ATP8A2: variants seen among roughly 807,000 people sequenced by gnomAD.
ATP8A2 encodes phospholipid-transporting ATPase IB.
Under a neutral mutation model 165.6 loss-of-function variants are expected in ATP8A2, and 100 were observed. The observed-to-expected ratio is 0.60, with a 90% CI of 0.51 to 0.71. ATP8A2 has a LOEUF of 0.71. ATP8A2 is among the 30% of genes least tolerant of loss of function. ATP8A2 has a pLI of 0.00. For missense variants in ATP8A2, 1,227 were observed against 1,479.5 expected (o/e 0.83, Z 2.80); for synonymous variants, 543 against 548.8 (o/e 0.99, Z 0.15).
In ATP8A2 at chr13:25,795,058, C is replaced by A. The variant is rs370763612; in HGVS notation, c.2679+20099C>A. On this transcript the variant is annotated intron_variant, in intron 27 of 36. Transcript: ENST00000381655. ...CAGGACTGTGATCAAGATATTAATT[C>A]TATGCATTATAAACCAGGGAACAGT... is the stretch of plus-strand genomic sequence containing the variant. Among the ~76,000 whole-genome samples the A allele has an allele frequency of 8.0e-4, 122 of 152,228 alleles. 1 individual carries two copies. Among genetic ancestry groups the A allele is most frequent in the South Asian group, 3.1e-3 (15 of 4,822 alleles).
rs373876031 is a variant in ATP8A2, at chr13:25,584,483, TCTC to T, written c.2146+2529_2146+2531del. 1.9e-3 allele frequency among the ~76,000 whole-genome samples: 291 copies of T among 152,254 alleles called. 9 individuals carry two copies. In the South Asian group the frequency reaches 0.053, roughly 28 times the overall value. The stretch of plus-strand genomic sequence containing the variant: ...TTGGGAAGATCAAGTATCTAGCAGT[TCTC>T]CTTCTAGATGAAAAAAGGGAAGCAG... On this transcript the variant is annotated intron_variant, in intron 23 of 36. Coordinates refer to ENST00000381655, the MANE Select transcript of ATP8A2 (RefSeq NM_016529.6).
chr13:25,709,014 T>C (rs1279901117), intron 25 of ATP8A2, among the ~76,000 whole-genome samples: 4 of 152,070 alleles, frequency 2.6e-5, no homozygotes, highest in African/African-American at 9.7e-5. Flanking sequence ...TTGGTTTCTG[T>C]TGTTTCTTGT....
chr13:25,541,811 G>T, intron 8 of ATP8A2, 108 bp from the exon 9 acceptor site: 1 of 1,197,300 alleles, frequency 8.4e-7, no homozygotes, highest in Non-Finnish European at 1.2e-6. Context: ...CCAAATTATT[G>T]CACTGGAGAT....
intron 24 of ATP8A2, among the ~76,000 whole-genome samples, chr13:25,612,886 A>AT (rs2040724445): frequency 6.6e-6 from 1 of 152,230 alleles, no homozygotes; most frequent in African/African-American, 2.4e-5. Context: ...TCATTATATA[A>AT]TGTTCCTCTT....
At chr13:25,935,625 C>G (rs540498313) in intron 33 of ATP8A2, among the ~76,000 whole-genome samples, 2 of 152,230 alleles carry the variant, frequency 1.3e-5, no homozygotes, top group Non-Finnish European at 2.9e-5. Flanking sequence ...ATATCACATG[C>G]AAGGGAGAGA....
Position 25,541,949 on chromosome 13 carries a change from C to T in ATP8A2, c.682C>T (p.Arg228Cys), listed in dbSNP as rs1319590927. The change falls in exon 9 of 37, where the codon CGT becomes TGT. Residue 228 changes from arginine (R) to cysteine (C), a missense_variant. Arg to Cys is a radical substitution (Grantham distance 180). Coordinates refer to ENST00000381655, the MANE Select transcript of ATP8A2 (RefSeq NM_016529.6). ...GLSHTADMQT[R>C]EVLMKLSGTI... is the part of the protein sequence containing the mutation. ...GAGTCACACTGCTGACATGCAAACA[C>T]GTGAAGTTCTGATGAAGTTATCTGG... 8.1e-6 allele frequency: 13 copies of T among 1,613,798 alleles called. No homozygotes were observed. Among genetic ancestry groups the T allele is most frequent in the African/African-American group, 5.3e-5 (4 of 74,852 alleles).
chr13:25,971,477 C>G (rs1352470343), intron 35 of ATP8A2, among the ~76,000 whole-genome samples: 1 of 152,044 alleles, frequency 6.6e-6, no homozygotes. Context: ...TCTTCTCACC[C>G]CTCCCTGTTC....
chr13:25,736,666 G>A (rs2043776466), intron 25 of ATP8A2, among the ~76,000 whole-genome samples: 1 of 152,196 alleles, frequency 6.6e-6, no homozygotes, highest in Admixed American at 6.5e-5. Context: ...CCCATGGACA[G>A]TACATGAATG....
chr13:25,594,270 T>A (rs181206556), intron 24 of ATP8A2, among the ~76,000 whole-genome samples: 2 of 152,230 alleles, frequency 1.3e-5, no homozygotes, highest in Non-Finnish European at 2.9e-5. Context: ...TTGATATTTG[T>A]TAGTAAAGGA....
intron 27 of ATP8A2, among the ~76,000 whole-genome samples, chr13:25,817,685 C>CTT (rs201615789): frequency 8.7e-5 from 13 of 150,268 alleles, no homozygotes; most frequent in Admixed American, 8.0e-4. Flanking sequence ...TTTTCTTTTT[C>CTT]TTTTTTTTTG....
At chr13:25,581,273 C>A (rs1170551272) in intron 22 of ATP8A2, among the ~76,000 whole-genome samples, 1 of 152,098 alleles carries the variant, frequency 6.6e-6, no homozygotes, top group Non-Finnish European at 1.5e-5. Flanking sequence ...ACATCCACAC[C>A]CATCCTCAGC....
chr13:25,532,094 C>T (rs2038132286), intron 4 of ATP8A2, among the ~76,000 whole-genome samples, 178 bp from the exon 5 acceptor site: 1 of 152,208 alleles, frequency 6.6e-6, no homozygotes, highest in South Asian at 2.1e-4. Flanking sequence ...GAGGAGACCA[C>T]TTCTAAACTT....
intron 35 of ATP8A2, among the ~76,000 whole-genome samples, chr13:25,972,415 T>C (rs896665438): frequency 1.3e-5 from 2 of 152,232 alleles, no homozygotes; most frequent in African/African-American, 4.8e-5. Context: ...GAATTAGATA[T>C]CCAGAAAGCA....
chr13:25,793,032 AGAG>A (rs1481942191), intron 27 of ATP8A2, among the ~76,000 whole-genome samples: 1 of 150,684 alleles, frequency 6.6e-6, no homozygotes, highest in African/African-American at 2.5e-5. Context: ...AGAGGAGAAG[AGAG>A]GAGAAGAGAA....
At chr13:25,970,326 T>A (rs2139214510) in intron 35 of ATP8A2, among the ~76,000 whole-genome samples, 1 of 152,254 alleles carries the variant, frequency 6.6e-6, no homozygotes, top group South Asian at 2.1e-4. Flanking sequence ...TGGGGAGGGG[T>A]CATCTGGCTT....
chr13:25,862,863 A>T (rs774210956), intron 33 of ATP8A2, among the ~76,000 whole-genome samples: 1 of 152,202 alleles, frequency 6.6e-6, no homozygotes, highest in Non-Finnish European at 1.5e-5. Flanking sequence ...GAACCAGATC[A>T]TTGATAAACC....
chr13:25,665,234 G>A (rs1209568915), intron 24 of ATP8A2, among the ~76,000 whole-genome samples: 1 of 152,142 alleles, frequency 6.6e-6, no homozygotes, highest in African/African-American at 2.4e-5. Flanking sequence ...CCAGTTGATA[G>A]GATTATATCA....
In ATP8A2 at chr13:25,719,884, C is replaced by T. The variant is rs970422197; in HGVS notation, c.2384+20539C>T. Among the ~76,000 whole-genome samples the T allele has an allele frequency of 2.0e-5, 3 of 152,134 alleles. 1 individual carries two copies. The South Asian group carries it at 6.2e-4, about 32-fold the overall frequency. ...CCCATGGTGGCCCCTGTAGCCCATG[C>T]TTGGAGGCAATGTAAGGATGGGGCT... On this transcript the variant is annotated intron_variant, in intron 25 of 36. Coordinates refer to ENST00000381655, the MANE Select transcript of ATP8A2 (RefSeq NM_016529.6).
rs143861935 is a variant in ATP8A2 at position 25,967,968 on chromosome 13, A to C, written c.3273-607A>C. On this transcript the variant is annotated intron_variant, in intron 34 of 36. Coordinates refer to ENST00000381655, the MANE Select transcript of ATP8A2 (RefSeq NM_016529.6). ...ACTGAGGCCTGCGTGTGTGGACTCC[A>C]ATGGTGAGTTGTTGCCAGAGGAAGA... Among the ~76,000 whole-genome samples, 655 of 152,286 alleles carry C rather than the reference A, an allele frequency of 4.3e-3. 6 individuals carry two copies. Among genetic ancestry groups the C allele is most frequent in the African/African-American group, 0.015 (613 of 41,538 alleles).
Sources: gnomAD v4.1 joint callset for allele counts (sites outside exome capture counted in the v4.1 genomes callset) on GRCh38, gnomAD v4.1.1 for gene constraint, MANE v1.5 for transcripts, NCBI Gene and HGNC (gene_info 2026-07-23, HGNC 2026-07-21) for gene names.